MYO16: variants seen among roughly 807,000 people sequenced by gnomAD.
The protein encoded by MYO16 is myosin XVI.
A neutral mutation model predicts 205.3 loss-of-function variants in MYO16; 94 were observed. The observed-to-expected ratio is 0.46, with a 90% CI of 0.39 to 0.54. The LOEUF is 0.54. Ranked by LOEUF, MYO16 falls within the 20% of genes least tolerant of loss-of-function variation. MYO16 has a pLI of 0.00. For missense variants in MYO16, 2,315 were observed against 2,387.5 expected, an observed-to-expected ratio of 0.97 and a Z score of 0.63; for synonymous variants, 988 against 954.0, an observed-to-expected ratio of 1.04 and a Z score of -0.66.
intron 28 of MYO16, among the ~76,000 whole-genome samples, chr13:109,105,637 T>C (rs1889102821): frequency 1.3e-5 from 2 of 152,240 alleles, no homozygotes; most frequent in South Asian, 4.1e-4. Flanking sequence ...ATAAATGTAA[T>C]TTTAGCATAG....
intron 32 of MYO16, among the ~76,000 whole-genome samples, chr13:109,160,302 A>G (rs1878316235): frequency 6.6e-6 from 1 of 152,346 alleles, no homozygotes; most frequent in Non-Finnish European, 1.5e-5. Context: ...TTTTGTATCA[A>G]CATTTAGAGA....
At chr13:108,704,541 C>A (rs1192344568) in intron 2 of MYO16, among the ~76,000 whole-genome samples, 1 of 151,916 alleles carries the variant, frequency 6.6e-6, no homozygotes, top group Non-Finnish European at 1.5e-5. Context: ...TTAAGAAAAT[C>A]TTTAGATTCA....
At chr13:109,086,207 C>CCT (rs1888432174) in intron 27 of MYO16, among the ~76,000 whole-genome samples, 1 of 152,182 alleles carries the variant, frequency 6.6e-6, no homozygotes, top group Non-Finnish European at 1.5e-5. Flanking sequence ...TCGAAGGTCA[C>CCT]ACTTCTGTAG....
intron 16 of MYO16, among the ~76,000 whole-genome samples, chr13:108,911,020 A>G (rs1192443502): frequency 1.4e-5 from 2 of 140,408 alleles, no homozygotes; most frequent in Non-Finnish European, 3.1e-5. Flanking sequence ...GAGAAAAAGG[A>G]TGCTATAGGA....
chr13:108,926,692 T>G (rs921922127), intron 16 of MYO16, among the ~76,000 whole-genome samples: 2 of 152,026 alleles, frequency 1.3e-5, no homozygotes, highest in African/African-American at 4.8e-5. Context: ...TCAAGCAGTT[T>G]TTGGAGAGAA....
chr13:109,204,814 A>G (rs7997165), intron 34 of MYO16, among the ~76,000 whole-genome samples: 2,694 of 152,238 alleles, frequency 0.018, 80 homozygotes, highest in African/African-American at 0.061. Flanking sequence ...TGCAACATAG[A>G]AGTACCCACT....
At chr13:108,498,628 T>C in the MYO16 span, among the ~76,000 whole-genome samples, 45 of 152,152 alleles carry the variant, frequency 3.0e-4, no homozygotes, top group Non-Finnish European at 6.3e-4. Context: ...AAAAACTTAC[T>C]GAGATTAAAA....
intron 2 of MYO16, among the ~76,000 whole-genome samples, chr13:108,687,385 G>A (rs2139484597): frequency 6.6e-6 from 1 of 152,234 alleles, no homozygotes; most frequent in African/African-American, 2.4e-5. Flanking sequence ...GTTCCAGGCT[G>A]ATGTTTTCTT....
chr13:108,823,960 A>G (rs1206733724), intron 9 of MYO16, among the ~76,000 whole-genome samples: 1 of 152,104 alleles, frequency 6.6e-6, no homozygotes, highest in African/African-American at 2.4e-5. Context: ...TATCTGAAAT[A>G]TTTGTTCGGA....
chr13:108,823,782 T>C (rs1289373833), intron 9 of MYO16, among the ~76,000 whole-genome samples: 1 of 152,080 alleles, frequency 6.6e-6, no homozygotes, highest in African/African-American at 2.4e-5. Context: ...GAATGACAAA[T>C]AACAACTTAC....
chr13:108,495,921 G>C, the MYO16 span, among the ~76,000 whole-genome samples: 2 of 152,002 alleles, frequency 1.3e-5, no homozygotes, highest in Non-Finnish European at 2.9e-5. Flanking sequence ...CCCTTCTCCG[G>C]CAGGTAGGGG....
chr13:108,871,016 T>C (rs886141336), intron 12 of MYO16, among the ~76,000 whole-genome samples: 3 of 152,206 alleles, frequency 2.0e-5, no homozygotes, highest in African/African-American at 7.2e-5. Flanking sequence ...TCTGTAGAAA[T>C]ATAAACCGAA....
intron 14 of MYO16, among the ~76,000 whole-genome samples, chr13:108,895,084 A>C (rs1288682098): frequency 1.3e-5 from 2 of 152,144 alleles, no homozygotes; most frequent in East Asian, 3.8e-4. Flanking sequence ...TTGAGTTAAT[A>C]TTTTTTATAG....
At chr13:108,878,866 A>T (rs1192652829) in intron 12 of MYO16, among the ~76,000 whole-genome samples, 1 of 152,252 alleles carries the variant, frequency 6.6e-6, no homozygotes, top group Non-Finnish European at 1.5e-5. Context: ...ACATCCTGCG[A>T]GCAGGATTAG....
rs1594107629 is a variant in MYO16, at chr13:109,127,104, G to A, written c.3783-178G>A. 6.6e-6 allele frequency among the ~76,000 whole-genome samples: 1 copy of A among 152,132 alleles called. No homozygotes were observed. Among genetic ancestry groups the A allele is most frequent in the African/African-American group, 2.4e-5 (1 of 41,432 alleles). On this transcript the variant is annotated intron_variant, in intron 30 of 34. Coordinates refer to ENST00000457511, the MANE Select transcript of MYO16 (RefSeq NM_001198950.3). This position sits in a 1 kb window ranked among gnomAD's most constrained non-coding sequence, Gnocchi z 4.2. The stretch of plus-strand genomic sequence containing the variant: ...ATCACAAAGCCGGAGCCAGAGGACG[G>A]GTGGCCTTCTCTGGACCAACTGGTC...
chr13:108,795,236 G>C (rs1264925413), intron 6 of MYO16, among the ~76,000 whole-genome samples: 1 of 150,228 alleles, frequency 6.7e-6, no homozygotes. Context: ...CTGTCACCCA[G>C]GCTGGAGTGC....
intron 3 of MYO16, 120 bp from the exon 4 acceptor site, chr13:108,727,320 A>C: frequency 2.1e-6 from 2 of 954,174 alleles, no homozygotes; most frequent in Non-Finnish European, 3.1e-6. Context: ...TTCCCAGGTT[A>C]GCTTCACCTC....
chr13:109,187,725 T>G (rs1009188686), intron 34 of MYO16, among the ~76,000 whole-genome samples: 1 of 152,250 alleles, frequency 6.6e-6, no homozygotes, highest in South Asian at 2.1e-4. Context: ...ATGCCTTGTA[T>G]GATTTCAGTT....
At chr13:108,684,841 G>T (rs1882608575) in intron 2 of MYO16, among the ~76,000 whole-genome samples, 1 of 152,156 alleles carries the variant, frequency 6.6e-6, no homozygotes, top group Non-Finnish European at 1.5e-5. Context: ...GCCGCCTGGT[G>T]AGCCTGGAAG....
Sources: gnomAD v4.1 joint callset for allele counts (sites outside exome capture counted in the v4.1 genomes callset) on GRCh38, gnomAD v4.1.1 for gene constraint, Gnocchi (gnomAD v3.1) non-coding constraint, MANE v1.5 for transcripts, NCBI Gene and HGNC (gene_info 2026-07-23, HGNC 2026-07-21) for gene names.